The following COBL variants were observed in gnomAD, a reference collection of about 807,000 sequenced individuals.
COBL encodes cordon-bleu WH2 repeat protein, also known as protein cordon-bleu.
A neutral mutation model predicts 98.8 loss-of-function variants in COBL; 51 were observed. The observed-to-expected ratio is 0.52, with a 90% CI of 0.41 to 0.65. The LOEUF (loss-of-function observed/expected upper bound fraction) is 0.65. COBL is among the 30% of genes least tolerant of loss of function. The pLI is 0.00. For synonymous variants in COBL, 634 were observed against 651.7 expected (o/e 0.97, Z 0.41); for missense variants, 1,617 against 1,617.5 (o/e 1.00, Z 0.01).
chr7:51,234,523 A>G (rs755410917), intron 1 of COBL, among the ~76,000 whole-genome samples: 14 of 152,124 alleles, frequency 9.2e-5, no homozygotes, highest in Non-Finnish European at 1.3e-4. Flanking sequence ...CAACACAGAA[A>G]AACCCCCTCT....
intron 1 of COBL, among the ~76,000 whole-genome samples, chr7:51,240,740 A>G (rs1795715430): frequency 6.6e-6 from 1 of 152,040 alleles, no homozygotes; most frequent in African/African-American, 2.4e-5. Flanking sequence ...ACGGGGTTTC[A>G]GCATGTTGGC....
chr7:51,039,132 T>G (rs532892419), intron 8 of COBL, among the ~76,000 whole-genome samples: 1 of 152,262 alleles, frequency 6.6e-6, no homozygotes, highest in Non-Finnish European at 1.5e-5. Context: ...AGGGGCACAA[T>G]GAAAGAGGAG....
intron 1 of COBL, among the ~76,000 whole-genome samples, chr7:51,220,474 G>A (rs945120740): frequency 6.6e-6 from 1 of 152,138 alleles, no homozygotes; most frequent in African/African-American, 2.4e-5. Context: ...CACGGCCACC[G>A]TGGACAGATG....
chr7:51,286,393 C>A (rs1232981748), intron 1 of COBL, among the ~76,000 whole-genome samples: 1 of 145,224 alleles, frequency 6.9e-6, no homozygotes. Flanking sequence ...TATAAAGAAA[C>A]TTCAAGTAAC....
At chr7:51,221,510 C>A (rs1189267189) in intron 1 of COBL, among the ~76,000 whole-genome samples, 1 of 152,206 alleles carries the variant, frequency 6.6e-6, no homozygotes, top group Non-Finnish European at 1.5e-5. Flanking sequence ...ACTAGGCAAA[C>A]ATATCCTAAA....
chr7:51,204,196 C>CA (rs1264313838), intron 2 of COBL, among the ~76,000 whole-genome samples: 1 of 151,824 alleles, frequency 6.6e-6, no homozygotes, highest in African/African-American at 2.4e-5. Context: ...AAACTCTCAC[C>CA]AAAAAAAGGC....
chr7:51,058,503 T>C (rs2128907111), intron 7 of COBL, among the ~76,000 whole-genome samples: 1 of 152,188 alleles, frequency 6.6e-6, no homozygotes, highest in Admixed American at 6.6e-5. Context: ...CAGTGAACTA[T>C]GATTGCACTA....
chr7:51,026,452 G>A (rs2128868830), intron 11 of COBL, 94 bp downstream of exon 11: 1 of 1,499,594 alleles, frequency 6.7e-7, no homozygotes, highest in South Asian at 1.3e-5. Context: ...CAATCGGAAG[G>A]ACAGAAGCTT....
At chr7:51,054,370 A>G (rs1451348640) in intron 7 of COBL, among the ~76,000 whole-genome samples, 1 of 152,162 alleles carries the variant, frequency 6.6e-6, no homozygotes, top group Non-Finnish European at 1.5e-5. Context: ...TTGGCCCCAC[A>G]GTTCCCGTTT....
chr7:51,283,067 A>G (rs1408422491), intron 1 of COBL, among the ~76,000 whole-genome samples: 2 of 152,186 alleles, frequency 1.3e-5, no homozygotes, highest in East Asian at 1.9e-4. Flanking sequence ...TGCGTATATA[A>G]GAGAGGAAAA....
rs2128937528 is a variant in COBL, at chr7:51,083,299, A to C, written c.1096+1867T>G. The C allele has an allele frequency of 1.7e-5, 21 of 1,201,386 alleles. No homozygotes were observed. The South Asian group carries it at 2.1e-4, about 12-fold the overall frequency. 74.4% of individuals were successfully genotyped at this position (1,201,386 alleles called of 1,614,324 possible). The stretch of plus-strand genomic sequence containing the variant: ...CGTCACTCACTAGGCACCAAATCCA[A>C]CCTCACTGGGCACCAGATCCAGCCA... On this transcript the variant is annotated intron_variant, in intron 7 of 12. Transcript: ENST00000265136.
chr7:51,129,082 T>C (rs1395028309), intron 6 of COBL, among the ~76,000 whole-genome samples: 1 of 152,244 alleles, frequency 6.6e-6, no homozygotes, highest in African/African-American at 2.4e-5. Context: ...AGGAAAGCAA[T>C]TCTTTCGCTA....
chr7:51,162,818 G>A (rs1786951859), intron 5 of COBL, among the ~76,000 whole-genome samples: 4 of 152,212 alleles, frequency 2.6e-5, no homozygotes, highest in African/African-American at 9.6e-5. Flanking sequence ...CTCGGCCTCC[G>A]CCAGGCTAAG....
chr7:51,316,244 C>A (rs566590024), intron 1 of COBL: 208 of 203,570 alleles, frequency 1.0e-3, no homozygotes, highest in Non-Finnish European at 1.5e-4. Context: ...TCCACCCCTA[C>A]GGCAAACACT....
chr7:51,308,440 T>A (rs1802692962), intron 1 of COBL, among the ~76,000 whole-genome samples: 1 of 147,798 alleles, frequency 6.8e-6, no homozygotes, highest in Admixed American at 6.8e-5. Flanking sequence ...ACACATACAT[T>A]CACACAAACA....
At chr7:51,228,134 G>A (rs1254590681) in intron 1 of COBL, among the ~76,000 whole-genome samples, 2 of 152,120 alleles carry the variant, frequency 1.3e-5, no homozygotes, top group East Asian at 3.9e-4. Flanking sequence ...ATGCTCTAGA[G>A]CTGGAAAAAC....
chr7:51,161,258 C>T (rs1346207311), intron 5 of COBL, among the ~76,000 whole-genome samples: 1 of 152,236 alleles, frequency 6.6e-6, no homozygotes, highest in Non-Finnish European at 1.5e-5. Flanking sequence ...GCCGCATTTG[C>T]AAGTTCTCTG....
chr7:51,232,221 T>G (rs1287052392), intron 1 of COBL, among the ~76,000 whole-genome samples: 1 of 151,912 alleles, frequency 6.6e-6, no homozygotes, highest in Non-Finnish European at 1.5e-5. Context: ...TCATCATCAC[T>G]TTCTTAGTCA....
At chr7:51,312,902 T>C (rs777739427) in intron 1 of COBL, among the ~76,000 whole-genome samples, 15 of 152,144 alleles carry the variant, frequency 9.9e-5, no homozygotes, top group Non-Finnish European at 1.9e-4. Flanking sequence ...TGAGAAATAA[T>C]AAAAATGCTC....
Sources: allele counts gnomAD v4.1 joint callset (sites outside exome capture counted in the v4.1 genomes callset), GRCh38; gene constraint gnomAD v4.1.1; transcripts MANE v1.5; gene names NCBI Gene and HGNC (gene_info 2026-07-23, HGNC 2026-07-21).